The following KLHL3 variants were observed in gnomAD, a reference collection of about 807,000 sequenced individuals.
The protein encoded by KLHL3 is kelch like family member 3.
Under a neutral mutation model 70.5 loss-of-function variants are expected in KLHL3, and 19 were observed. The observed-to-expected ratio is 0.27, with a 90% CI of 0.19 to 0.40. The LOEUF (loss-of-function observed/expected upper bound fraction) is 0.40, where lower values mean the gene tolerates loss of function less well. Ranked by LOEUF, KLHL3 falls within the 10% of genes least tolerant of loss-of-function variation. KLHL3 has a pLI of 1.00. For missense variants in KLHL3, 512 were observed against 771.1 expected, an observed-to-expected ratio of 0.66 and a Z score of 3.98; for synonymous variants, 258 against 290.3, an observed-to-expected ratio of 0.89 and a Z score of 1.13.
chr5:137,730,417 G>A (rs1753155331), intron 1 of KLHL3, among the ~76,000 whole-genome samples: 3 of 152,206 alleles, frequency 2.0e-5, no homozygotes, highest in Admixed American at 6.5e-5. Flanking sequence ...ATTGCAGTGT[G>A]TACTGGAGTC....
intron 1 of KLHL3, among the ~76,000 whole-genome samples, chr5:137,732,099 C>G (rs1180349577): frequency 1.3e-5 from 2 of 152,174 alleles, no homozygotes; most frequent in Non-Finnish European, 2.9e-5. Context: ...ATCCACAAGG[C>G]TGATTTCCAG....
At chr5:137,668,360 G>A (rs564382013) in intron 6 of KLHL3, among the ~76,000 whole-genome samples, 33 of 152,248 alleles carry the variant, frequency 2.2e-4, no homozygotes, top group African/African-American at 7.0e-4. Context: ...GCAGTGAGCC[G>A]AGATTGCACC....
chr5:137,654,291 C>A (rs1751285203), intron 8 of KLHL3, among the ~76,000 whole-genome samples: 1 of 152,164 alleles, frequency 6.6e-6, no homozygotes, highest in African/African-American at 2.4e-5. Context: ...TCTCTTTAAA[C>A]CGCTAACAAA....
rs796957196 is a variant in KLHL3 at position 137,639,711 on chromosome 5, CA to C, written c.1021+148del. On this transcript the variant is annotated intron_variant, in intron 9 of 14. Transcript: ENST00000309755. The surrounding 1 kb of genome is among the most constrained non-coding windows in gnomAD (Gnocchi z 5.0). ...TCTGTCTTAAAACAACGACAACAAC[CA>C]AAAAAAAAAAAAAAGTGTGCAGGAG... 18,745 of 491,254 alleles carry C rather than the reference CA, an allele frequency of 0.038. No individual in the cohort carries two copies. Among genetic ancestry groups the C allele is most frequent in the South Asian group, 0.055 (2,086 of 38,130 alleles). 30.4% of individuals were successfully genotyped at this position (491,254 alleles called of 1,614,324 possible).
intron 3 of KLHL3, among the ~76,000 whole-genome samples, chr5:137,704,316 C>T (rs1752637310): frequency 1.3e-5 from 2 of 151,826 alleles, no homozygotes; most frequent in East Asian, 1.9e-4. Context: ...ACCCGGGAAG[C>T]GGAGCTTGCA....
At chr5:137,716,533 G>C (rs1752896391) in intron 2 of KLHL3, among the ~76,000 whole-genome samples, 1 of 152,200 alleles carries the variant, frequency 6.6e-6, no homozygotes, top group Admixed American at 6.5e-5. Flanking sequence ...TTTATGCTGA[G>C]CAAGGCGGCC....
In KLHL3 at chr5:137,639,747, T is replaced by C; in HGVS notation, c.1021+113A>G. 1.4e-6 allele frequency: 1 copy of C among 703,236 alleles called. No individual in the cohort carries two copies. The highest frequency in any genetic ancestry group is 2.4e-6 in the Non-Finnish European group (1 of 416,402). The allele number at this position is 703,236 out of a possible 1,614,324, so 43.6% of individuals were successfully genotyped here. A position where few individuals can be genotyped will look rare whatever the true frequency, so the allele number is the denominator to read the frequency against. On this transcript the variant is annotated intron_variant, in intron 9 of 14. Transcript: ENST00000309755. The surrounding 1 kb of genome is among the most constrained non-coding windows in gnomAD (Gnocchi z 5.0). ...AAAAAGTGTGCAGGAGGGAAACGAA[T>C]GGGAGCCTGAAATGCACAGATGCTT...
At chr5:137,720,137 T>G (rs563541487) in intron 2 of KLHL3, among the ~76,000 whole-genome samples, 38 of 152,020 alleles carry the variant, frequency 2.5e-4, no homozygotes, top group Non-Finnish European at 4.0e-4. Flanking sequence ...CCGTCTCTAC[T>G]AAAAATACAA....
intron 3 of KLHL3, chr5:137,706,006 T>C (rs1264676900): frequency 9.1e-6 from 9 of 985,274 alleles, no homozygotes; most frequent in Non-Finnish European, 7.2e-6. Context: ...GATCTTCTTA[T>C]AGACTGGTTG....
chr5:137,732,500 G>A (rs779261210), intron 1 of KLHL3, among the ~76,000 whole-genome samples: 3 of 151,372 alleles, frequency 2.0e-5, no homozygotes, highest in Non-Finnish European at 2.9e-5. Flanking sequence ...AGATCTTGGT[G>A]AAACCTAAAA....
intron 12 of KLHL3, among the ~76,000 whole-genome samples, chr5:137,632,798 C>A (rs1750669787): frequency 1.3e-5 from 2 of 152,082 alleles, no homozygotes; most frequent in Non-Finnish European, 2.9e-5. Flanking sequence ...ACAAGGAACT[C>A]CAACAACTCA....
At chr5:137,685,490 C>G (rs1752140522) in intron 5 of KLHL3, among the ~76,000 whole-genome samples, 1 of 152,156 alleles carries the variant, frequency 6.6e-6, no homozygotes, top group African/African-American at 2.4e-5. Flanking sequence ...GTAAGGATAC[C>G]AAGGATCTCC....
intron 14 of KLHL3, among the ~76,000 whole-genome samples, chr5:137,625,509 G>A (rs996866810): frequency 4.6e-5 from 7 of 152,188 alleles, no homozygotes; most frequent in African/African-American, 1.7e-4. Context: ...AAATTCTGAG[G>A]CTATCTTCAG....
intron 4 of KLHL3, among the ~76,000 whole-genome samples, chr5:137,693,016 C>T (rs539333904): frequency 6.6e-6 from 1 of 152,218 alleles, no homozygotes; most frequent in African/African-American, 2.4e-5. Flanking sequence ...TGTACAGCCA[C>T]GTTTGAGAGC....
At chr5:137,673,645 G>A (rs978945288) in intron 6 of KLHL3, 1 of 152,176 alleles carries the variant, frequency 6.6e-6, no homozygotes. Flanking sequence ...AACCTCAGCT[G>A]GCTCAGTGCA....
chr5:137,716,765 G>T (rs571631983), intron 2 of KLHL3, among the ~76,000 whole-genome samples: 49 of 152,266 alleles, frequency 3.2e-4, no homozygotes, highest in African/African-American at 1.2e-3. Context: ...TGTGGTCAGT[G>T]GTCTCTTATT....
chr5:137,733,415 T>C (rs1753211706), intron 1 of KLHL3, among the ~76,000 whole-genome samples: 1 of 152,184 alleles, frequency 6.6e-6, no homozygotes, highest in Non-Finnish European at 1.5e-5. Context: ...CAGCACCTGC[T>C]ATTTGTGTAC....
intron 5 of KLHL3, among the ~76,000 whole-genome samples, chr5:137,685,997 TAAC>T (rs1444243693): frequency 5.9e-5 from 9 of 151,836 alleles, no homozygotes; most frequent in Non-Finnish European, 8.8e-5. Flanking sequence ...ATAGCAATAA[TAAC>T]AACAACAACA....
rs1750712746 is a variant in KLHL3, at chr5:137,634,221, G to C, written c.1322-56C>G. 3 of 1,540,058 alleles carry C rather than the reference G, an allele frequency of 1.9e-6. No individual in the cohort carries two copies. The South Asian group carries it at 3.8e-5, about 19-fold the overall frequency. On this transcript the variant is annotated intron_variant, in intron 11 of 14. Coordinates refer to ENST00000309755, the MANE Select transcript of KLHL3 (RefSeq NM_017415.3). ...CCAGGGATACTGGCATGAAACCAGA[G>C]CTCAGCTGAAACCCTATCTGCAACC...
Sources: gnomAD v4.1 joint callset for allele counts (sites outside exome capture counted in the v4.1 genomes callset) on GRCh38, gnomAD v4.1.1 for gene constraint, Gnocchi (gnomAD v3.1) non-coding constraint, MANE v1.5 for transcripts, NCBI Gene and HGNC (gene_info 2026-07-23, HGNC 2026-07-21) for gene names.